PAPPA2: variants seen among roughly 807,000 people sequenced by gnomAD.
The protein encoded by PAPPA2 is pappalysin 2.
A neutral mutation model predicts 176.4 loss-of-function variants in PAPPA2; 86 were observed. That is an observed-to-expected ratio of 0.49 (90% CI 0.41 to 0.58). The LOEUF (loss-of-function observed/expected upper bound fraction) is 0.58, where lower values mean the gene tolerates loss of function less well. Among genes scored for constraint, PAPPA2 ranks in the 20% least tolerant of loss-of-function variants. PAPPA2 has a pLI of 0.00. For missense variants in PAPPA2, 2,073 were observed against 2,256.9 expected (o/e 0.92, Z 1.65); for synonymous variants, 809 against 852.2 (o/e 0.95, Z 0.88).
intron 3 of PAPPA2, among the ~76,000 whole-genome samples, chr1:176,644,374 T>C (rs1657273111): frequency 6.6e-6 from 1 of 151,850 alleles, no homozygotes; most frequent in African/African-American, 2.4e-5. Flanking sequence ...ATAGGACTTG[T>C]CCTGGAGTTT....
chr1:176,616,320 C>A, intron 3 of PAPPA2: 1 of 547,606 alleles, frequency 1.8e-6, no homozygotes. Context: ...GAAGCGCAGC[C>A]GCATTTTAGG....
intron 9 of PAPPA2, among the ~76,000 whole-genome samples, chr1:176,703,789 C>T (rs1660762543): frequency 6.6e-6 from 1 of 152,178 alleles, no homozygotes; most frequent in African/African-American, 2.4e-5. Context: ...ATGTGGAAGC[C>T]ATTGAGGTCA....
At chr1:176,666,896 G>A (rs1658694214) in intron 3 of PAPPA2, among the ~76,000 whole-genome samples, 1 of 152,142 alleles carries the variant, frequency 6.6e-6, no homozygotes, top group Non-Finnish European at 1.5e-5. Context: ...GTGACAATGA[G>A]AATGGATGAG....
At chr1:176,724,521 T>C (rs77092512) in intron 12 of PAPPA2, among the ~76,000 whole-genome samples, 1 of 152,320 alleles carries the variant, frequency 6.6e-6, no homozygotes, top group South Asian at 2.1e-4. Flanking sequence ...CAATTTGGAA[T>C]GGTCTCGTTC....
intron 3 of PAPPA2, among the ~76,000 whole-genome samples, chr1:176,668,316 A>C (rs1245137712): frequency 1.3e-5 from 2 of 152,190 alleles, no homozygotes; most frequent in African/African-American, 4.8e-5. Flanking sequence ...GGCAGAAATT[A>C]AGCAGGTTAA....
intron 3 of PAPPA2, among the ~76,000 whole-genome samples, chr1:176,666,651 G>A (rs756417152): frequency 6.6e-6 from 1 of 150,994 alleles, no homozygotes; most frequent in Non-Finnish European, 1.5e-5. Flanking sequence ...CAGTGACCCA[G>A]TGATAGAGTT....
intron 2 of PAPPA2, among the ~76,000 whole-genome samples, chr1:176,590,077 TG>T: frequency 6.6e-6 from 1 of 152,222 alleles, no homozygotes; most frequent in East Asian, 1.9e-4. Context: ...CAGGTACAGT[TG>T]GTCACTGGGT....
At chr1:176,593,182 T>C (rs1478615163) in intron 2 of PAPPA2, among the ~76,000 whole-genome samples, 3 of 152,234 alleles carry the variant, frequency 2.0e-5, no homozygotes, top group Non-Finnish European at 4.4e-5. Context: ...ACAGAAAAGA[T>C]ATTCTGTCAC....
chr1:176,739,517 C>T, intron 12 of PAPPA2, 109 bp from the exon 13 acceptor site: 1 of 1,224,874 alleles, frequency 8.2e-7, no homozygotes, highest in Non-Finnish European at 1.1e-6. Context: ...AAAATGGAAG[C>T]TCTTACTTTA....
intron 3 of PAPPA2, among the ~76,000 whole-genome samples, chr1:176,639,292 G>T (rs1436503444): frequency 6.6e-6 from 1 of 152,034 alleles, no homozygotes; most frequent in Admixed American, 6.6e-5. Flanking sequence ...GCCTAGGGAA[G>T]CTCTTAGACA....
At chr1:176,574,559 AAGGCT>A (rs1652538905) in intron 2 of PAPPA2, among the ~76,000 whole-genome samples, 1 of 152,182 alleles carries the variant, frequency 6.6e-6, no homozygotes, top group Admixed American at 6.5e-5. Context: ...GGTCTAGATC[AAGGCT>A]TAGAGAGTTT....
At chr1:176,661,634 T>C (rs1309454442) in intron 3 of PAPPA2, among the ~76,000 whole-genome samples, 2 of 151,330 alleles carry the variant, frequency 1.3e-5, no homozygotes, top group African/African-American at 4.9e-5. Context: ...TGCCCAGACA[T>C]TGCAGGCAGA....
At chr1:176,739,302 C>A (rs1662561081) in intron 12 of PAPPA2, among the ~76,000 whole-genome samples, 1 of 152,070 alleles carries the variant, frequency 6.6e-6, no homozygotes, top group South Asian at 2.1e-4. Context: ...CATTTATTGT[C>A]TCTGGCAATG....
At position 176,791,154 on chromosome 1, in the gene PAPPA2, T is replaced by C. The variant is rs376296056; in HGVS notation, c.4885-193T>C. 5.3e-5 allele frequency among the ~76,000 whole-genome samples: 8 copies of C among 150,740 alleles called. 1 individual carries two copies. Among genetic ancestry groups the C allele is most frequent in the African/African-American group, 1.5e-4 (6 of 40,998 alleles). On this transcript the variant is annotated intron_variant, in intron 18 of 22. Transcript: ENST00000367662. The stretch of plus-strand genomic sequence containing the variant: ...AAAAAAATTGTCATCATGATTCCTC[T>C]GCTTGGAAAAAGCAAAGAATTTTTT...
intron 21 of PAPPA2, 50 bp from the exon 22 acceptor site, chr1:176,840,123 C>T (rs1667429053): frequency 6.9e-7 from 1 of 1,449,172 alleles, no homozygotes; most frequent in Non-Finnish European, 9.7e-7. Flanking sequence ...CAGAGTCAAA[C>T]AAGACATAAT....
chr1:176,570,493 C>G (rs1245668236), intron 2 of PAPPA2, among the ~76,000 whole-genome samples: 4 of 152,142 alleles, frequency 2.6e-5, no homozygotes, highest in Non-Finnish European at 5.9e-5. Flanking sequence ...CAGCAGAGCT[C>G]TATTTTAGAC....
chr1:176,576,583 C>G (rs1049134473), intron 2 of PAPPA2, among the ~76,000 whole-genome samples: 7 of 151,968 alleles, frequency 4.6e-5, no homozygotes, highest in African/African-American at 1.7e-4. Context: ...CTAGATAAGT[C>G]TCTGTCCATT....
chr1:176,556,863 A>C lies in PAPPA2; in HGVS notation c.541A>C (p.Asn181His). The C allele has an allele frequency of 6.2e-7, 1 of 1,614,092 alleles. No individual in the cohort carries two copies. Among genetic ancestry groups the C allele is most frequent in the South Asian group, 1.1e-5 (1 of 91,070 alleles). The change falls in exon 2 of 23, where the codon AAC becomes CAC. Residue 181 changes from asparagine (N) to histidine (H), a missense_variant. Around this residue, in one of 4 missense-constraint regions of PAPPA2, gnomAD observed 1,196 missense variants for 1,330.4 expected, o/e 0.90. Coordinates refer to ENST00000367662, the MANE Select transcript of PAPPA2 (RefSeq NM_020318.3). The stretch of plus-strand genomic sequence containing the variant: ...TACCACCGCCATTTTCACAACCCTG[A>C]ACGAACCCAAACCAGAGACCCAAAG... Reference protein sequence around the residue: ...TTTTAIFTTLNEPKPETQRRG... With the variant: ...TTTTAIFTTLHEPKPETQRRG...
At chr1:176,562,127 C>T (rs914265901) in intron 2 of PAPPA2, among the ~76,000 whole-genome samples, 1 of 152,344 alleles carries the variant, frequency 6.6e-6, no homozygotes, top group East Asian at 1.9e-4. Context: ...CAAACCATAT[C>T]AAGACCCTTC....
Sources: gnomAD v4.1 joint callset for allele counts (sites outside exome capture counted in the v4.1 genomes callset) on GRCh38, gnomAD v4.1.1 for gene constraint, gnomAD v4.1.1 regional missense constraint, MANE v1.5 for transcripts, NCBI Gene and HGNC (gene_info 2026-07-23, HGNC 2026-07-21) for gene names.